SGCZ: variants seen among roughly 807,000 people sequenced by gnomAD.
SGCZ encodes the protein sarcoglycan zeta.
SGCZ carries 40 observed loss-of-function variants against 41.3 expected under a neutral mutation model. That is an observed-to-expected ratio of 0.97 (90% CI 0.75 to 1.26). The LOEUF (loss-of-function observed/expected upper bound fraction) is 1.26, where lower values mean the gene tolerates loss of function less well. SGCZ is among the 50% of genes most tolerant of loss of function. The pLI is 0.00. For missense variants in SGCZ, 552 were observed against 369.8 expected (o/e 1.49, Z -4.04); for synonymous variants, 206 against 137.5 (o/e 1.50, Z -3.49).
Position 14,090,264 on chromosome 8 carries a change from G to T in SGCZ, c.*179C>A. ...CACTGCTGTGTCAATCACACCCTCT[G>T]TGTTGAGCAGTACAGTAAATCACAA... On this transcript the variant is annotated 3_prime_UTR_variant, in exon 8 of 8. Coordinates refer to ENST00000382080, the MANE Select transcript of SGCZ (RefSeq NM_139167.4). 1.9e-6 allele frequency: 1 copy of T among 525,706 alleles called. No individual in the cohort carries two copies. The highest frequency in any genetic ancestry group is 3.2e-6 in the Non-Finnish European group (1 of 312,312). 32.6% of individuals were successfully genotyped at this position (525,706 alleles called of 1,614,324 possible). A position where few individuals can be genotyped will look rare whatever the true frequency, so the allele number is the denominator to read the frequency against.
At chr8:14,309,196 G>A (rs1310933670) in intron 3 of SGCZ, 47 of 1,485,004 alleles carry the variant, frequency 3.2e-5, no homozygotes, top group South Asian at 3.1e-4. Context: ...AAGCAAACCT[G>A]CTGCGGCTGA....
At chr8:14,166,043 C>G (rs1465755043) in intron 4 of SGCZ, among the ~76,000 whole-genome samples, 4 of 152,020 alleles carry the variant, frequency 2.6e-5, no homozygotes, top group African/African-American at 9.7e-5. Flanking sequence ...GCTAATTTCT[C>G]CAAAAGCCAT....
At chr8:14,984,945 GC>G (rs33982379) in intron 1 of SGCZ, among the ~76,000 whole-genome samples, 137,794 of 152,068 alleles carry the variant, frequency 0.91, 63,427 homozygotes, top group East Asian at 1. Flanking sequence ...ATTTTTCTGG[GC>G]CACAGTATCT....
In SGCZ at chr8:15,121,591, T is replaced by C. The variant is rs192500040; in HGVS notation, c.39+115994A>G. 1.2e-4 allele frequency among the ~76,000 whole-genome samples: 18 copies of C among 152,280 alleles called. No individual in the cohort carries two copies. The East Asian group carries it at 3.1e-3, about 26-fold the overall frequency. The stretch of plus-strand genomic sequence containing the variant: ...AAGAGCTAATGAATGATTCTATGCA[T>C]ATATAACAATATGGGAATTTAAGAA... On this transcript the variant is annotated intron_variant, in intron 1 of 7. Coordinates refer to ENST00000382080, the MANE Select transcript of SGCZ (RefSeq NM_139167.4).
chr8:14,605,206 A>C (rs17119882), intron 1 of SGCZ, among the ~76,000 whole-genome samples: 18,276 of 152,170 alleles, frequency 0.12, 1,212 homozygotes, highest in African/African-American at 0.19. Context: ...CAGTGACTCC[A>C]TTAAAAATTA....
At chr8:15,218,784 C>A (rs1299806765) in intron 1 of SGCZ, among the ~76,000 whole-genome samples, 1 of 152,098 alleles carries the variant, frequency 6.6e-6, no homozygotes, top group Non-Finnish European at 1.5e-5. Flanking sequence ...ATGACTGTAC[C>A]CACATAACTA....
At chr8:14,553,256 G>T (rs1803927782) in intron 2 of SGCZ, among the ~76,000 whole-genome samples, 5 of 152,082 alleles carry the variant, frequency 3.3e-5, no homozygotes, top group East Asian at 1.9e-4. Context: ...GGTAAAGTGA[G>T]CCAACTCTTA....
chr8:15,116,983 T>C (rs1807292182), intron 1 of SGCZ, among the ~76,000 whole-genome samples: 1 of 152,234 alleles, frequency 6.6e-6, no homozygotes, highest in East Asian at 1.9e-4. Context: ...ATGCCATCAA[T>C]CTATTCTGAA....
At chr8:14,529,487 C>T (rs1803058821) in intron 2 of SGCZ, among the ~76,000 whole-genome samples, 1 of 152,266 alleles carries the variant, frequency 6.6e-6, no homozygotes, top group African/African-American at 2.4e-5. Flanking sequence ...AAGCACAGGG[C>T]TGTCAACTTC....
Position 14,970,560 on chromosome 8 carries a change from G to A in SGCZ, c.39+267025C>T, listed in dbSNP as rs189593459. Among the ~76,000 whole-genome samples the A allele has an allele frequency of 2.5e-3, 383 of 152,210 alleles. 3 individuals carry two copies. The highest frequency in any genetic ancestry group is 8.8e-3 in the African/African-American group (365 of 41,542). On this transcript the variant is annotated intron_variant, in intron 1 of 7. Transcript: ENST00000382080. ...GTAATTCCAACACCTTTCTTGAAAA[G>A]ACTTACCTTTGTAGAATTACCTTTG... is the stretch of plus-strand genomic sequence containing the variant.
At chr8:14,124,486 T>C (rs1563140416) in intron 5 of SGCZ, among the ~76,000 whole-genome samples, 1 of 152,204 alleles carries the variant, frequency 6.6e-6, no homozygotes, top group Non-Finnish European at 1.5e-5. Flanking sequence ...TTAATTAATA[T>C]ACAGTTGACT....
intron 1 of SGCZ, among the ~76,000 whole-genome samples, chr8:15,225,807 G>A (rs1166915606): frequency 6.6e-6 from 1 of 152,164 alleles, no homozygotes; most frequent in African/African-American, 2.4e-5. Context: ...TGTCTCTGGA[G>A]AATCATGAAC....
intron 1 of SGCZ, among the ~76,000 whole-genome samples, chr8:15,167,894 C>A (rs1188754975): frequency 3.9e-5 from 6 of 152,238 alleles, no homozygotes; most frequent in Admixed American, 6.5e-5. Flanking sequence ...TAGTTCTGAC[C>A]AATGATCCTG....
Position 15,100,104 on chromosome 8 carries a change from C to T in SGCZ, c.39+137481G>A, listed in dbSNP as rs143687178. 4.5e-3 allele frequency among the ~76,000 whole-genome samples: 679 copies of T among 152,112 alleles called. 3 individuals are homozygous for T. Among genetic ancestry groups the T allele is most frequent in the Middle Eastern group, 0.027 (8 of 292 alleles). On this transcript the variant is annotated intron_variant, in intron 1 of 7. Coordinates refer to ENST00000382080, the MANE Select transcript of SGCZ (RefSeq NM_139167.4). ...CATTGTACCAAAAGTCATAGCTAAT[C>T]CAACAAGACAGGAAAAGGAAATTAA...
At chr8:14,275,794 TG>T (rs1244615523) in intron 3 of SGCZ, among the ~76,000 whole-genome samples, 1 of 152,146 alleles carries the variant, frequency 6.6e-6, no homozygotes, top group Non-Finnish European at 1.5e-5. Context: ...GGCTGAAGGC[TG>T]GTTTCATGCC....
At chr8:14,676,387 C>T (rs993389281) in intron 1 of SGCZ, among the ~76,000 whole-genome samples, 4 of 118,660 alleles carry the variant, frequency 3.4e-5, no homozygotes, top group Non-Finnish European at 7.6e-5. Flanking sequence ...GCCCTGATGG[C>T]ATATGCCTGT....
chr8:14,561,847 T>C (rs1471728956), intron 1 of SGCZ, among the ~76,000 whole-genome samples: 1 of 152,182 alleles, frequency 6.6e-6, no homozygotes, highest in Non-Finnish European at 1.5e-5. Context: ...TCTGGCAAGA[T>C]GTTATAAGGT....
intron 1 of SGCZ, among the ~76,000 whole-genome samples, chr8:15,046,174 ATGGAAATTTTAC>A: frequency 6.6e-6 from 1 of 152,090 alleles, no homozygotes. Context: ...AACTAAAGCA[ATGGAAATTTTAC>A]TTTCCAATTA....
chr8:14,372,238 G>A (rs1034653201), intron 2 of SGCZ, among the ~76,000 whole-genome samples: 4 of 152,124 alleles, frequency 2.6e-5, no homozygotes, highest in African/African-American at 7.2e-5. Flanking sequence ...GACTAAATTT[G>A]CGAAACAGAA....
Sources: gnomAD v4.1 joint callset for allele counts (sites outside exome capture counted in the v4.1 genomes callset) on GRCh38, gnomAD v4.1.1 for gene constraint, MANE v1.5 for transcripts, NCBI Gene and HGNC (gene_info 2026-07-23, HGNC 2026-07-21) for gene names.